The following TRHDE variants were observed in gnomAD, a reference collection of about 807,000 sequenced individuals.
The protein encoded by TRHDE is thyrotropin releasing hormone degrading enzyme.
TRHDE carries 72 observed loss-of-function variants against 125.7 expected under a neutral mutation model. The observed-to-expected ratio is 0.57, with a 90% CI of 0.47 to 0.70. The LOEUF is 0.70. Ranked by LOEUF, TRHDE falls within the 30% of genes least tolerant of loss-of-function variation. The probability of loss-of-function intolerance (pLI) is 0.00; values close to 1 mark genes in which losing one functional copy is unlikely to be tolerated. For missense variants in TRHDE, 1,110 were observed against 1,327.1 expected (o/e 0.84, Z 2.54); for synonymous variants, 509 against 509.1 (o/e 1.00, Z 0.00).
intron 6 of TRHDE, among the ~76,000 whole-genome samples, chr12:72,529,110 A>G (rs1868413131): frequency 1.3e-5 from 2 of 152,240 alleles, no homozygotes; most frequent in Admixed American, 1.3e-4. Flanking sequence ...TAGGACTAAA[A>G]TACTCTTAGA....
chr12:72,378,418 T>C (rs1871995971), intron 3 of TRHDE, among the ~76,000 whole-genome samples: 1 of 152,136 alleles, frequency 6.6e-6, no homozygotes, highest in African/African-American at 2.4e-5. Flanking sequence ...CTTGCCAACA[T>C]CATATTTAAT....
chr12:72,531,686 T>C (rs1003094019), intron 6 of TRHDE, among the ~76,000 whole-genome samples: 6 of 152,072 alleles, frequency 3.9e-5, no homozygotes, highest in South Asian at 2.1e-4. Context: ...TTAATTTTAG[T>C]TTAGGTAACA....
chr12:72,119,097 C>T (rs1466521912), intron 2 of TRHDE, among the ~76,000 whole-genome samples: 1 of 151,798 alleles, frequency 6.6e-6, no homozygotes, highest in Non-Finnish European at 1.5e-5. Context: ...TTAGTTTGCT[C>T]TTGCTTTACT....
At chr12:72,651,726 C>A (rs899880250) in intron 15 of TRHDE, among the ~76,000 whole-genome samples, 1 of 151,850 alleles carries the variant, frequency 6.6e-6, no homozygotes, top group African/African-American at 2.4e-5. Context: ...CATTTTGGAT[C>A]AAAGTCAAAT....
chr12:72,458,766 C>T lies in TRHDE; in HGVS notation c.1316-10992C>T, dbSNP rs73344469. 3.5e-3 allele frequency among the ~76,000 whole-genome samples: 540 copies of T among 152,206 alleles called. 3 individuals are homozygous for T. The highest frequency in any genetic ancestry group is 0.013 in the African/African-American group (523 of 41,534). On this transcript the variant is annotated intron_variant, in intron 3 of 18. Transcript: ENST00000261180. ...TCTTTGCCTATGCTACCTCCTTAAC[C>T]TGAAATACACTTCCCCTCTGGCTAC...
intron 3 of TRHDE, among the ~76,000 whole-genome samples, chr12:72,433,771 A>G (rs749155537): frequency 1.3e-5 from 2 of 150,584 alleles, no homozygotes; most frequent in African/African-American, 2.5e-5. Context: ...CTTGAGACAT[A>G]CAGAGTCTGG....
At chr12:72,447,521 G>A (rs1211242592) in intron 3 of TRHDE, among the ~76,000 whole-genome samples, 2 of 152,042 alleles carry the variant, frequency 1.3e-5, no homozygotes, top group Non-Finnish European at 2.9e-5. Flanking sequence ...TAGACCAGTG[G>A]TTCTTCATGT....
rs187143730 is a variant in TRHDE at position 72,371,708 on chromosome 12, A to G, written c.1189-6287A>G. ...TTTCCAGTTTCATCCATGTCCCTACAAAGGACATGAACTCATCCTTTTTTA... is the reference window on the plus strand; with the variant it reads ...TTTCCAGTTTCATCCATGTCCCTACGAAGGACATGAACTCATCCTTTTTTA... On this transcript the variant is annotated intron_variant, in intron 2 of 18. Transcript: ENST00000261180. 4.4e-3 allele frequency among the ~76,000 whole-genome samples: 672 copies of G among 152,134 alleles called. 8 individuals are homozygous for G. Among genetic ancestry groups the G allele is most frequent in the African/African-American group, 0.015 (623 of 41,440 alleles).
At chr12:72,466,366 G>T (rs776170696) in intron 3 of TRHDE, among the ~76,000 whole-genome samples, 7 of 152,124 alleles carry the variant, frequency 4.6e-5, no homozygotes, top group Non-Finnish European at 8.8e-5. Flanking sequence ...GCTTCTGGAG[G>T]ACTACAGCTT....
intron 2 of TRHDE, among the ~76,000 whole-genome samples, chr12:72,202,254 C>T (rs1273603086): frequency 2.0e-5 from 3 of 152,042 alleles, no homozygotes; most frequent in Non-Finnish European, 2.9e-5. Flanking sequence ...CTGTTTCTGG[C>T]CAGTGGGGAG....
chr12:72,296,931 A>C (rs185730640), intron 2 of TRHDE, among the ~76,000 whole-genome samples: 2 of 152,272 alleles, frequency 1.3e-5, no homozygotes, highest in East Asian at 3.9e-4. Flanking sequence ...AGTCTGTTCC[A>C]AGGAGCTTTA....
At chr12:72,502,869 G>A (rs1878213607) in intron 6 of TRHDE, among the ~76,000 whole-genome samples, 2 of 152,140 alleles carry the variant, frequency 1.3e-5, no homozygotes, top group African/African-American at 2.4e-5. Flanking sequence ...TGAATATGGA[G>A]AAATGAGGGT....
At chr12:72,624,534 T>C (rs1180327979) in intron 15 of TRHDE, among the ~76,000 whole-genome samples, 1 of 151,808 alleles carries the variant, frequency 6.6e-6, no homozygotes, top group Non-Finnish European at 1.5e-5. Context: ...GTAAAATCAG[T>C]GACATCAGAA....
intron 2 of TRHDE, among the ~76,000 whole-genome samples, chr12:72,197,139 G>C (rs1210412234): frequency 6.6e-6 from 1 of 152,176 alleles, no homozygotes; most frequent in East Asian, 1.9e-4. Flanking sequence ...TTAGTAAGCT[G>C]CTGTGCCATC....
At chr12:72,476,803 T>A (rs1038178393) in intron 5 of TRHDE, among the ~76,000 whole-genome samples, 2 of 152,228 alleles carry the variant, frequency 1.3e-5, no homozygotes, top group African/African-American at 4.8e-5. Context: ...GCTCTTGTTC[T>A]GACTTAGGCC....
At chr12:72,418,950 G>A (rs186238776) in intron 3 of TRHDE, among the ~76,000 whole-genome samples, 3 of 152,244 alleles carry the variant, frequency 2.0e-5, no homozygotes, top group African/African-American at 7.2e-5. Flanking sequence ...GGAAGCACAT[G>A]GATAATGGTG....
At position 72,272,609 on chromosome 12, in the gene TRHDE, C is replaced by G; in HGVS notation, c.-35C>G. 1.2e-6 allele frequency: 1 copy of G among 856,678 alleles called. No homozygotes were observed. Among genetic ancestry groups the G allele is most frequent in the Admixed American group, 3.1e-5 (1 of 32,358 alleles). 53.1% of individuals were successfully genotyped at this position (856,678 alleles called of 1,614,324 possible). On this transcript the variant is annotated 5_prime_UTR_variant, in exon 1 of 19. Transcript: ENST00000261180. This position sits in a 1 kb window ranked among gnomAD's most constrained non-coding sequence, Gnocchi z 6.7. ...CCGGGTGGCCCGCCCGCGGGGGGTG[C>G]CAGAGGGGGCGGGGGAGGAGGAGGA...
At chr12:72,367,288 C>T (rs988722847) in intron 2 of TRHDE, among the ~76,000 whole-genome samples, 1 of 152,028 alleles carries the variant, frequency 6.6e-6, no homozygotes, top group Non-Finnish European at 1.5e-5. Context: ...AAATAATCTC[C>T]CTTTGTCGTT....
At position 72,227,312 on chromosome 12, in the gene TRHDE, C is replaced by T. The variant is rs530331797; in HGVS notation, n.279+121560C>T. 2.6e-5 allele frequency among the ~76,000 whole-genome samples: 4 copies of T among 152,230 alleles called. No homozygotes were observed. The South Asian group carries it at 8.3e-4, about 32-fold the overall frequency. ...AAGGCATCACAGTCATGAAAGAAGACAAAGGAGAAGAGCAAAGAGATGTCT... is the reference window on the plus strand; with the variant it reads ...AAGGCATCACAGTCATGAAAGAAGATAAAGGAGAAGAGCAAAGAGATGTCT... On this transcript the variant is annotated intron_variant and non_coding_transcript_variant, in intron 2 of 4. Transcript: ENST00000548156.
Sources: gnomAD v4.1 joint callset for allele counts (sites outside exome capture counted in the v4.1 genomes callset) on GRCh38, gnomAD v4.1.1 for gene constraint, Gnocchi (gnomAD v3.1) non-coding constraint, MANE v1.5 for transcripts, NCBI Gene and HGNC (gene_info 2026-07-23, HGNC 2026-07-21) for gene names.